The following ZMYM6 variants were observed in gnomAD, a reference collection of about 807,000 sequenced individuals.
ZMYM6 encodes zinc finger MYM-type protein 6.
In ZMYM6, 90 loss-of-function variants were observed where a neutral mutation model predicts 134.0. The observed-to-expected ratio is 0.67, with a 90% confidence interval of 0.57 to 0.80. The LOEUF is 0.80. Among genes scored for constraint, ZMYM6 ranks in the 30% least tolerant of loss-of-function variants. The pLI, the probability that ZMYM6 is intolerant of heterozygous loss-of-function variation, is 0.00. For synonymous variants in ZMYM6, 481 were observed against 524.1 expected (o/e 0.92, Z 1.12); for missense variants, 1,362 against 1,533.9 (o/e 0.89, Z 1.87).
chr1:35,015,743 A>AAAAAAAAATATAT, intron 4 of ZMYM6, among the ~76,000 whole-genome samples: 31 of 106,428 alleles, frequency 2.9e-4, no homozygotes, highest in African/African-American at 1.8e-3. Context: ...AAAAAAAAAA[A>AAAAAAAAATATAT]ATATATATAT....
intron 6 of ZMYM6, 85 bp downstream of exon 6, chr1:35,014,612 G>T: frequency 7.7e-7 from 1 of 1,296,346 alleles, no homozygotes; most frequent in Non-Finnish European, 1.1e-6. Context: ...AATGGGAGGA[G>T]CTCACTCTCA....
intron 14 of ZMYM6, among the ~76,000 whole-genome samples, chr1:34,993,632 A>ATCTTT (rs1305004584): frequency 6.6e-6 from 1 of 152,190 alleles, no homozygotes; most frequent in Non-Finnish European, 1.5e-5. Flanking sequence ...GGACATGGAC[A>ATCTTT]TCTTTGGGGG....
chr1:35,013,439 G>C (rs1422689630), intron 6 of ZMYM6: 1 of 984,016 alleles, frequency 1.0e-6, no homozygotes, highest in South Asian at 4.7e-5. Context: ...CTAGTAAAAA[G>C]ACAGAGTACA....
Position 35,007,016 on chromosome 1 carries a change from T to C in ZMYM6, c.1748A>G (p.Asn583Ser), listed in dbSNP as rs1640992389. 1 of 1,613,660 alleles carries C rather than the reference T, an allele frequency of 6.2e-7. No homozygotes were observed. Among genetic ancestry groups the C allele is most frequent in the Non-Finnish European group, 8.5e-7 (1 of 1,179,858 alleles). Residue 583 changes from asparagine (N) to serine (S), a missense_variant, in exon 12 of 16, where the codon AAC (asparagine) becomes AGC (serine). This residue lies in a region of ZMYM6 where 824 missense variants were observed against 940.9 expected (regional missense o/e 0.88). Coordinates refer to ENST00000357182, the MANE Select transcript of ZMYM6 (RefSeq NM_007167.4). ...ACAAAACTCCAAGACACAAAATAGG[T>C]TACAGAAATGTTTAATGTTGCCTCG... ...KWRGNIKHFC[N>S]LFCVLEFCHQ...
intron 14 of ZMYM6, among the ~76,000 whole-genome samples, chr1:35,001,196 C>A (rs897737097): frequency 6.0e-5 from 9 of 150,640 alleles, no homozygotes; most frequent in Non-Finnish European, 1.3e-4. Context: ...AATTTAAAAT[C>A]ATTTAAGTAA....
At position 34,988,422 on chromosome 1, in the gene ZMYM6, A is replaced by G; in HGVS notation, c.2660T>C (p.Ile887Thr). Residue 887 changes from isoleucine to threonine, a missense_variant, in exon 16 of 16, where the codon ATT becomes ACT. By Grantham distance (89) the Ile-to-Thr change is moderately conservative. This residue lies in a region of ZMYM6 where 824 missense variants were observed against 940.9 expected (regional missense o/e 0.88). Transcript: ENST00000357182. ...PLSNVTIQHRIDELSADIEDQ... is the reference protein window; with the variant it reads ...PLSNVTIQHRTDELSADIEDQ... ...TTCAATGTCTGCAGATAGTTCATCA[A>G]TCCTGTGTTGAATTGTAACATTAGA... 6.4e-7 allele frequency: 1 copy of G among 1,551,650 alleles called. No homozygotes were observed. Among genetic ancestry groups the G allele is most frequent in the Non-Finnish European group, 8.7e-7 (1 of 1,146,960 alleles).
chr1:35,027,953 C>T (rs1205449210), intron 2 of ZMYM6, among the ~76,000 whole-genome samples: 1 of 152,098 alleles, frequency 6.6e-6, no homozygotes, highest in East Asian at 1.9e-4. Context: ...CTTCTTAGCC[C>T]AGCACTCTAG....
intron 2 of ZMYM6, among the ~76,000 whole-genome samples, chr1:35,026,706 A>G (rs1028060092): frequency 6.6e-6 from 1 of 152,236 alleles, no homozygotes; most frequent in African/African-American, 2.4e-5. Flanking sequence ...TGGAGTAACA[A>G]CAAACTGTTG....
chr1:34,994,387 C>T (rs1301998924), intron 14 of ZMYM6, among the ~76,000 whole-genome samples: 1 of 152,196 alleles, frequency 6.6e-6, no homozygotes, highest in East Asian at 1.9e-4. Flanking sequence ...AAGAGTAAGC[C>T]ATGCAAAGGT....
chr1:35,023,854 C>T (rs1641357263), intron 2 of ZMYM6, among the ~76,000 whole-genome samples: 1 of 151,610 alleles, frequency 6.6e-6, no homozygotes, highest in Non-Finnish European at 1.5e-5. Context: ...GATCTCCTGA[C>T]CTCGTGATCT....
chr1:35,013,763 C>G (rs1053133985), intron 6 of ZMYM6: 9 of 716,672 alleles, frequency 1.3e-5, no homozygotes, highest in African/African-American at 3.8e-5. Flanking sequence ...ACAATCTCAG[C>G]TCACTGCAAC....
At chr1:34,989,266 G>A in intron 15 of ZMYM6, 1 of 1,037,362 alleles carries the variant, frequency 9.6e-7, no homozygotes, top group Non-Finnish European at 1.2e-6. Context: ...GGCTGAGCAG[G>A]GTGGCTCACA....
In ZMYM6 at chr1:34,997,718, T is replaced by C. The variant is rs149869145; in HGVS notation, c.1993-5331A>G. On this transcript the variant is annotated intron_variant, in intron 14 of 15. Coordinates refer to ENST00000357182, the MANE Select transcript of ZMYM6 (RefSeq NM_007167.4). ...TTTGAAATATGGTTGAATTTCCCCATTGATTCTTTTATGGCTTCCGGGTTT... is the reference window on the plus strand; with the variant it reads ...TTTGAAATATGGTTGAATTTCCCCACTGATTCTTTTATGGCTTCCGGGTTT... Among the ~76,000 whole-genome samples, 333 of 152,320 alleles carry C rather than the reference T, an allele frequency of 2.2e-3. 2 individuals carry two copies. The highest frequency in any genetic ancestry group is 7.4e-3 in the African/African-American group (308 of 41,574).
chr1:34,992,417 A>G (rs1042042178), intron 14 of ZMYM6, 30 bp from the exon 15 acceptor site: 13 of 1,604,066 alleles, frequency 8.1e-6, no homozygotes, highest in Admixed American at 1.8e-5. Context: ...GAAACCAAAG[A>G]AAGATTTTTT....
chr1:35,002,234 C>T (rs972199074), intron 14 of ZMYM6, among the ~76,000 whole-genome samples: 1 of 152,198 alleles, frequency 6.6e-6, no homozygotes, highest in Admixed American at 6.6e-5. Flanking sequence ...GCAAATCTAC[C>T]TTCTGTTCTA....
intron 9 of ZMYM6, 39 bp downstream of exon 9, chr1:35,010,719 A>G: frequency 6.5e-7 from 1 of 1,538,256 alleles, no homozygotes; most frequent in Non-Finnish European, 8.7e-7. Flanking sequence ...TTTCTACTGG[A>G]TGAGTTTATA....
rs570357521 is a variant in ZMYM6 at position 35,015,036 on chromosome 1, A to G, written c.555T>C (p.Tyr185=). Residue 185 remains tyrosine, a synonymous_variant, in exon 5 of 16, where the codon TAT becomes TAC. Transcript: ENST00000357182. The stretch of plus-strand genomic sequence containing the variant: ...TGCACTTAGTTGAAATGCTTTTGGT[A>G]TATATGGTAACAACAGGTTTTTTCT... ...ELKKKPVVTI[Y]TKSISTKCSM... is the part of the protein sequence containing the mutation. The G allele has an allele frequency of 1.2e-5, 20 of 1,613,526 alleles. No homozygotes were observed. The highest frequency in any genetic ancestry group is 1.6e-4 in the Middle Eastern group (1 of 6,082).
chr1:35,012,346 T>C, intron 7 of ZMYM6, 85 bp downstream of exon 7: 1 of 1,201,158 alleles, frequency 8.3e-7, no homozygotes, highest in Non-Finnish European at 1.1e-6. Context: ...TAGATAAATT[T>C]AGCTTGTAAC....
rs538213557 is a variant in ZMYM6, at chr1:35,004,925, G to A, written c.1954+207C>T. On this transcript the variant is annotated intron_variant, in intron 13 of 15. Transcript: ENST00000357182. ...ATATCAAAATTAGCTGGGCGTGGTGGCAGGCACCTGTAATCCCAGCTACTC... is the reference window on the plus strand; with the variant it reads ...ATATCAAAATTAGCTGGGCGTGGTGACAGGCACCTGTAATCCCAGCTACTC... 2.0e-5 allele frequency among the ~76,000 whole-genome samples: 3 copies of A among 152,232 alleles called. No individual in the cohort carries two copies. The South Asian group carries it at 6.2e-4, about 32-fold the overall frequency.
Sources: allele counts gnomAD v4.1 joint callset (sites outside exome capture counted in the v4.1 genomes callset), GRCh38; gene constraint gnomAD v4.1.1; regional missense constraint gnomAD v4.1.1; transcripts MANE v1.5; gene names NCBI Gene and HGNC (gene_info 2026-07-23, HGNC 2026-07-21).